HMCN2: variants seen among roughly 807,000 people sequenced by gnomAD.
The protein encoded by HMCN2 is hemicentin 2.
In HMCN2, 325 loss-of-function variants were observed where a neutral mutation model predicts 377.5. The ratio of observed to expected loss-of-function variants is 0.86; its 90% CI spans 0.79 to 0.94. The LOEUF is 0.94. Ranked by LOEUF, HMCN2 falls within the 40% of genes least tolerant of loss-of-function variation. HMCN2 has a pLI of 0.00. For missense variants in HMCN2, 4,543 were observed against 4,725.3 expected, an observed-to-expected ratio of 0.96 and a Z score of 1.13; for synonymous variants, 2,007 against 2,046.8, an observed-to-expected ratio of 0.98 and a Z score of 0.53.
At position 130,348,630 on chromosome 9, in the gene HMCN2, C is replaced by T. The variant is rs560914022; in HGVS notation, c.4110C>T (p.Asn1370=). 168 of 1,296,626 alleles carry T rather than the reference C, an allele frequency of 1.3e-4. No homozygotes were observed. Among genetic ancestry groups the T allele is most frequent in the Admixed American group, 1.9e-4 (8 of 42,878 alleles). The allele number at this position is 1,296,626 out of a possible 1,614,324, so 80.3% of individuals were successfully genotyped here. ...CCCTGACGCTGGAGTGTGACGCGAA[C>T]GGCTTTCCAGTCCCTGAGATCGTGT... ...GQSLTLECDA[N]GFPVPEIVWL... is the part of the protein sequence containing the mutation. The change falls in exon 27 of 98, where the codon AAC becomes AAT. Residue 1370 remains asparagine (N), a synonymous_variant. Coordinates refer to ENST00000683500, the MANE Select transcript of HMCN2 (RefSeq NM_001291815.2).
At chr9:130,355,662 G>A (rs41297215) in intron 32 of HMCN2, 84 bp from the exon 33 acceptor site, 4 of 756,904 alleles carry the variant, frequency 5.3e-6, no homozygotes, top group East Asian at 6.4e-5. Flanking sequence ...GCTGGGCCTC[G>A]CTTGGAAGGC....
In HMCN2 at chr9:130,397,674, G is replaced by A. The variant is rs1842672378; in HGVS notation, c.11326+19G>A. 1 of 1,289,534 alleles carries A rather than the reference G, an allele frequency of 7.8e-7. No homozygotes were observed. 79.9% of individuals were successfully genotyped at this position (1,289,534 alleles called of 1,614,324 possible). A position where few individuals can be genotyped will look rare whatever the true frequency, so the allele number is the denominator to read the frequency against. On this transcript the variant is annotated intron_variant, in intron 74 of 97. Coordinates refer to ENST00000683500, the MANE Select transcript of HMCN2 (RefSeq NM_001291815.2). ...GTCTTGGGTAGGTGGCCTGGGGAAG[G>A]CCTTCAGTGTCCAGTCCCTGTCGGG... is the stretch of plus-strand genomic sequence containing the variant.
At chr9:130,330,852 G>T (rs1044044049) in intron 22 of HMCN2, among the ~76,000 whole-genome samples, 2 of 151,934 alleles carry the variant, frequency 1.3e-5, no homozygotes, top group Admixed American at 1.3e-4. Flanking sequence ...AAAATAGACC[G>T]GTCATGGTGG....
intron 76 of HMCN2, 25 bp downstream of exon 76, chr9:130,399,657 G>A (rs761490865): frequency 7.1e-6 from 9 of 1,269,030 alleles, no homozygotes; most frequent in African/African-American, 1.5e-5. Flanking sequence ...AGGTGGAGGG[G>A]GACACCTGGG....
Position 130,403,843 on chromosome 9 carries a change from G to A in HMCN2, c.12116G>A (p.Ser4039Asn), listed in dbSNP as rs1564861188. The part of the protein sequence containing the change: ...YLCIAKNSAG[S>N]AMGKTRLVVQ... ...TGCATCGCTAAGAACAGTGCGGGCA[G>A]TGCCATGGGGAAGACGCGGCTGGTG... The change falls in exon 80 of 98, where the codon AGT becomes AAT. Residue 4039 changes from serine (S) to asparagine (N), a missense_variant. Ser to Asn is a conservative substitution (Grantham distance 46). This residue lies in a region of HMCN2 where 1,073 missense variants were observed against 1,319.5 expected (regional missense o/e 0.81). Transcript: ENST00000683500. The A allele has an allele frequency of 1.6e-6, 2 of 1,289,744 alleles. No homozygotes were observed. The highest frequency in any genetic ancestry group is 1.2e-5 in the South Asian group (1 of 81,022). 79.9% of individuals were successfully genotyped at this position (1,289,744 alleles called of 1,614,324 possible).
At chr9:130,355,537 A>C (rs1839980060) in intron 32 of HMCN2, among the ~76,000 whole-genome samples, 1 of 152,176 alleles carries the variant, frequency 6.6e-6, no homozygotes, top group South Asian at 2.1e-4. Context: ...CAGATGTTAA[A>C]TAATTAGGCC....
chr9:130,417,293 G>T (rs943344422), intron 85 of HMCN2, among the ~76,000 whole-genome samples: 1 of 152,008 alleles, frequency 6.6e-6, no homozygotes, highest in African/African-American at 2.4e-5. Flanking sequence ...AGGCCGAGGA[G>T]AGTGGATCAC....
rs1317951369 is a variant in HMCN2, at chr9:130,395,081, G to T, written c.10747G>T (p.Glu3583Ter). ...CLAESPAGAI[E>*]KSFRVRVQAP... ...GGCTGAAAGCCCTGCAGGTGCAATT[G>T]AGAAGAGCTTCCGGGTCAGGGTTCA... is the stretch of plus-strand genomic sequence containing the variant. The change falls in exon 70 of 98, where the codon GAG becomes TAG. Residue 3583 changes from glutamate (E) to a stop codon, truncating the protein, a stop_gained. Transcript: ENST00000683500. LOFTEE classifies it high-confidence loss of function. The T allele has an allele frequency of 1.6e-6, 2 of 1,275,078 alleles. No individual in the cohort carries two copies. Among genetic ancestry groups the T allele is most frequent in the Admixed American group, 4.8e-5 (2 of 41,422 alleles). The allele number at this position is 1,275,078 out of a possible 1,614,324, so 79.0% of individuals were successfully genotyped here. A position where few individuals can be genotyped will look rare whatever the true frequency, so the allele number is the denominator to read the frequency against.
chr9:130,299,253 G>A lies in HMCN2; in HGVS notation c.1241G>A (p.Arg414His), dbSNP rs782305604. 29 of 470,662 alleles carry A rather than the reference G, an allele frequency of 6.2e-5. No homozygotes were observed. The Middle Eastern group carries it at 1.9e-3, about 31-fold the overall frequency. The allele number at this position is 470,662 out of a possible 1,614,324, so 29.2% of individuals were successfully genotyped here. ...GACCATGAGGGAAACCCCCTCCTTC[G>A]TGTCTCTGGAGTGTCCTACAGTGGG... The part of the protein sequence containing the change: ...GKDHEGNPLL[R>H]VSGVSYSGVA... Residue 414 changes from arginine to histidine, a missense_variant, in exon 8 of 98, where the codon CGT becomes CAT. Transcript: ENST00000683500.
chr9:130,394,600 G>C lies in HMCN2; in HGVS notation c.10692+25G>C, dbSNP rs373087074. 1.2e-5 allele frequency: 15 copies of C among 1,263,728 alleles called. No individual in the cohort carries two copies. The highest frequency in any genetic ancestry group is 9.6e-5 in the Admixed American group (4 of 41,594). 78.3% of individuals were successfully genotyped at this position (1,263,728 alleles called of 1,614,324 possible). ...GGTACCAGTGCCGCCGCCATGGGGC[G>C]AGGCTGGGGGTTGGGGGAGAGGGGA... On this transcript the variant is annotated intron_variant, in intron 69 of 97. Coordinates refer to ENST00000683500, the MANE Select transcript of HMCN2 (RefSeq NM_001291815.2). The surrounding 1 kb of genome is among the most constrained non-coding windows in gnomAD (Gnocchi z 5.1).
chr9:130,410,339 G>A (rs760185449), intron 84 of HMCN2, among the ~76,000 whole-genome samples: 1 of 152,216 alleles, frequency 6.6e-6, no homozygotes, highest in Non-Finnish European at 1.5e-5. Context: ...AACAAGGACC[G>A]TAGTCACAGC....
intron 73 of HMCN2, among the ~76,000 whole-genome samples, chr9:130,396,524 G>A (rs1235744823): frequency 6.6e-6 from 1 of 152,084 alleles, no homozygotes; most frequent in Non-Finnish European, 1.5e-5. Context: ...GGGGTAGAGG[G>A]GCATGAATGG....
intron 87 of HMCN2, among the ~76,000 whole-genome samples, chr9:130,424,160 T>C (rs1023394138): frequency 5.3e-5 from 7 of 133,110 alleles, no homozygotes; most frequent in Non-Finnish European, 7.7e-5. Context: ...TCCATATATA[T>C]ATATATATAT....
intron 85 of HMCN2, among the ~76,000 whole-genome samples, chr9:130,413,272 T>C (rs1334054242): frequency 6.6e-6 from 1 of 152,212 alleles, no homozygotes; most frequent in Non-Finnish European, 1.5e-5. Flanking sequence ...ATTGCCTTGG[T>C]TGGACCCTCT....
Position 130,294,873 on chromosome 9 carries a change from T to G in HMCN2, c.631T>G (p.Ser211Ala). 2 of 454,452 alleles carry G rather than the reference T, an allele frequency of 4.4e-6. No individual in the cohort carries two copies. The highest frequency in any genetic ancestry group is 9.2e-6 in the Non-Finnish European group (2 of 218,030). The allele number at this position is 454,452 out of a possible 1,614,324, so 28.2% of individuals were successfully genotyped here. ...QVTEVLKWVE[S>A]AIQASKVHLL... ...CCTCCAGGTGCTGAAGTGGGTGGAG[T>G]CAGCGATCCAGGCCTCCAAGGTGCA... Residue 211 changes from serine (S) to alanine (A), a missense_variant, in exon 5 of 98, where the codon TCA (serine) becomes GCA (alanine). This residue lies in a region of HMCN2 where 547 missense variants were observed against 189.9 expected (regional missense o/e 2.88). Transcript: ENST00000683500.
intron 4 of HMCN2, among the ~76,000 whole-genome samples, chr9:130,291,997 AT>A (rs1438916949): frequency 3.5e-5 from 5 of 142,164 alleles, no homozygotes; most frequent in African/African-American, 1.3e-4. Flanking sequence ...TCTTCTGATT[AT>A]TTCCTTGTGG....
chr9:130,272,413 G>T (rs533250735), intron 1 of HMCN2, among the ~76,000 whole-genome samples: 2 of 135,316 alleles, frequency 1.5e-5, no homozygotes, highest in South Asian at 4.8e-4. Flanking sequence ...GCTAATTTTT[G>T]TATTTTTAGT....
Position 130,337,923 on chromosome 9 carries a change from G to T in HMCN2, c.3389G>T (p.Arg1130Leu), listed in dbSNP as rs897004534. 8.6e-4 allele frequency: 131 copies of T among 152,628 alleles called. No individual in the cohort carries two copies. The highest frequency in any genetic ancestry group is 3.3e-3 in the Middle Eastern group (1 of 300). The allele number at this position is 152,628 out of a possible 1,614,324, so 9.5% of individuals were successfully genotyped here. Residue 1130 changes from arginine (R) to leucine (L), a missense_variant, in exon 23 of 98, where the codon CGT (arginine) becomes CTT (leucine). Coordinates refer to ENST00000683500, the MANE Select transcript of HMCN2 (RefSeq NM_001291815.2). ...RYGLLPSGSL[R>L]LAQVQVGDSG... ...GGCCTCCTCCCGTCTGGCTCCCTGC[G>T]TCTGGCCCAGGTGCAGGTGGGTGAC...
chr9:130,345,922 C>T (rs1306628650), intron 25 of HMCN2, among the ~76,000 whole-genome samples: 2 of 151,918 alleles, frequency 1.3e-5, no homozygotes, highest in Admixed American at 6.5e-5. Flanking sequence ...GTGTGCCTTC[C>T]ACATGCCATG....
Sources: gnomAD v4.1 joint callset for allele counts (sites outside exome capture counted in the v4.1 genomes callset) on GRCh38, gnomAD v4.1.1 for gene constraint, gnomAD v4.1.1 regional missense constraint, Gnocchi (gnomAD v3.1) non-coding constraint, MANE v1.5 for transcripts, NCBI Gene and HGNC (gene_info 2026-07-23, HGNC 2026-07-21) for gene names.